Variants in ARHGAP15 observed in about 807,000 individuals in gnomAD.
ARHGAP15 encodes the protein rho GTPase-activating protein 15.
Under a neutral mutation model 63.7 loss-of-function variants are expected in ARHGAP15, and 51 were observed. The observed-to-expected ratio is 0.80, with a 90% CI of 0.64 to 1.01. ARHGAP15 has a LOEUF of 1.01. ARHGAP15 is among the 50% of genes least tolerant of loss of function. ARHGAP15 has a pLI of 0.00. For missense variants in ARHGAP15, 560 were observed against 564.6 expected, an observed-to-expected ratio of 0.99 and a Z score of 0.08; for synonymous variants, 191 against 193.8, an observed-to-expected ratio of 0.99 and a Z score of 0.12.
intron 11 of ARHGAP15, among the ~76,000 whole-genome samples, chr2:143,622,802 A>G (rs948719157): frequency 2.0e-5 from 3 of 151,440 alleles, no homozygotes; most frequent in African/African-American, 7.3e-5. Flanking sequence ...AAAAAAAAAA[A>G]AAAAAGAACT....
chr2:143,667,216 T>C (rs1216126203), intron 12 of ARHGAP15, among the ~76,000 whole-genome samples: 35 of 148,852 alleles, frequency 2.4e-4, no homozygotes, highest in African/African-American at 8.4e-4. Context: ...GTGGCACATA[T>C]ACACCATGGA....
At chr2:143,164,933 G>A (rs73962355) in intron 2 of ARHGAP15, among the ~76,000 whole-genome samples, 218 of 151,714 alleles carry the variant, frequency 1.4e-3, no homozygotes, top group African/African-American at 4.9e-3. Context: ...TGAAATTTTT[G>A]GAAATTATAA....
In ARHGAP15 at chr2:143,624,263, G is replaced by A. The variant is rs375312742; in HGVS notation, c.1134G>A (p.Ala378=). The A allele has an allele frequency of 7.4e-6, 12 of 1,612,942 alleles. No homozygotes were observed. The highest frequency in any genetic ancestry group is 1.7e-5 in the Admixed American group (1 of 59,932). The change falls in exon 12 of 14, where the codon GCG becomes GCA. Residue 378 remains alanine, a synonymous_variant. Transcript: ENST00000295095. ...GTTTCTTTGAGCAGTTTGTGGAAGC[G>A]ATCAGTAAGTACCTCACAGAAAAGG... ...PYSFFEQFVE[A]IKKQDNNTRI... is the part of the protein sequence containing the mutation.
At chr2:143,630,123 T>C (rs1309783619) in intron 12 of ARHGAP15, among the ~76,000 whole-genome samples, 1 of 152,108 alleles carries the variant, frequency 6.6e-6, no homozygotes, top group East Asian at 1.9e-4. Context: ...AAATTAATGG[T>C]CAGAAATTTC....
intron 10 of ARHGAP15, among the ~76,000 whole-genome samples, chr2:143,550,544 T>C (rs2105072238): frequency 6.6e-6 from 1 of 152,330 alleles, no homozygotes; most frequent in African/African-American, 2.4e-5. Flanking sequence ...AGTCCCTCAG[T>C]TGTATTAACC....
At chr2:143,161,883 G>A (rs754922682) in intron 2 of ARHGAP15, among the ~76,000 whole-genome samples, 6 of 151,816 alleles carry the variant, frequency 4.0e-5, no homozygotes, top group East Asian at 1.9e-4. Context: ...CAGAAGATGC[G>A]GCCGTCTGTA....
chr2:143,493,759 T>A (rs1692693510), intron 9 of ARHGAP15, among the ~76,000 whole-genome samples: 1 of 152,210 alleles, frequency 6.6e-6, no homozygotes, highest in Non-Finnish European at 1.5e-5. Flanking sequence ...CTGTGTTGGA[T>A]CCACTGTCTT....
At chr2:143,672,650 C>T (rs969622292) in intron 12 of ARHGAP15, among the ~76,000 whole-genome samples, 2 of 152,168 alleles carry the variant, frequency 1.3e-5, no homozygotes, top group Non-Finnish European at 2.9e-5. Context: ...AAAGACAGTC[C>T]AGTATGAGAC....
intron 9 of ARHGAP15, among the ~76,000 whole-genome samples, chr2:143,488,783 A>G (rs1244895025): frequency 2.0e-5 from 3 of 152,246 alleles, no homozygotes; most frequent in Non-Finnish European, 2.9e-5. Flanking sequence ...CTTTGAACCA[A>G]TTGTAGAAGG....
At chr2:143,290,028 C>A (rs980245287) in intron 6 of ARHGAP15, among the ~76,000 whole-genome samples, 2 of 152,064 alleles carry the variant, frequency 1.3e-5, no homozygotes, top group African/African-American at 4.8e-5. Context: ...GAGTCCCTAT[C>A]TTTAAGGAGT....
At chr2:143,244,176 T>C (rs996417941) in intron 5 of ARHGAP15, among the ~76,000 whole-genome samples, 2 of 152,222 alleles carry the variant, frequency 1.3e-5, no homozygotes, top group African/African-American at 4.8e-5. Flanking sequence ...ATTTCAATAG[T>C]TCACAAATAA....
chr2:143,617,171 A>G (rs1367990244), intron 11 of ARHGAP15, among the ~76,000 whole-genome samples: 1 of 152,118 alleles, frequency 6.6e-6, no homozygotes, highest in Non-Finnish European at 1.5e-5. Flanking sequence ...ATTGGTAATT[A>G]TTTTTCTTCA....
At chr2:143,354,521 G>T (rs553294712) in intron 6 of ARHGAP15, among the ~76,000 whole-genome samples, 3 of 152,068 alleles carry the variant, frequency 2.0e-5, no homozygotes, top group Admixed American at 1.3e-4. Flanking sequence ...AAATTAAAGT[G>T]GAAGGAGTTT....
At chr2:143,484,391 G>C (rs1431295308) in intron 8 of ARHGAP15, among the ~76,000 whole-genome samples, 1 of 150,808 alleles carries the variant, frequency 6.6e-6, no homozygotes, top group South Asian at 2.1e-4. Flanking sequence ...AATTAGCCAG[G>C]CTTAGTGGCA....
chr2:143,255,800 C>T (rs1305048168), intron 6 of ARHGAP15, among the ~76,000 whole-genome samples: 1 of 152,078 alleles, frequency 6.6e-6, no homozygotes, highest in Non-Finnish European at 1.5e-5. Context: ...CATTAGATTT[C>T]CAGTAAAGCT....
intron 13 of ARHGAP15, among the ~76,000 whole-genome samples, chr2:143,732,109 T>C (rs545289409): frequency 6.6e-6 from 1 of 152,332 alleles, no homozygotes; most frequent in Non-Finnish European, 1.5e-5. Flanking sequence ...TTTCACCAAT[T>C]TGACTTGCAA....
At chr2:143,190,314 A>G (rs2105088846) in intron 2 of ARHGAP15, among the ~76,000 whole-genome samples, 1 of 152,304 alleles carries the variant, frequency 6.6e-6, no homozygotes, top group Non-Finnish European at 1.5e-5. Context: ...CTCTAAATCA[A>G]TCACATTATG....
chr2:143,376,888 T>C (rs1392708183), intron 6 of ARHGAP15, among the ~76,000 whole-genome samples: 3 of 152,118 alleles, frequency 2.0e-5, no homozygotes, highest in African/African-American at 7.2e-5. Flanking sequence ...ATTCCTTTTT[T>C]GCTTTTTAGA....
chr2:143,339,196 A>C (rs1352499770), intron 6 of ARHGAP15, among the ~76,000 whole-genome samples: 5 of 152,120 alleles, frequency 3.3e-5, no homozygotes, highest in Admixed American at 1.3e-4. Flanking sequence ...ACTGTAGCGG[A>C]GTGTTGGGTA....
Sources: allele counts gnomAD v4.1 joint callset (sites outside exome capture counted in the v4.1 genomes callset), GRCh38; gene constraint gnomAD v4.1.1; transcripts MANE v1.5; gene names NCBI Gene and HGNC (gene_info 2026-07-23, HGNC 2026-07-21).